The following EPB41L1 variants were observed in gnomAD, a reference collection of about 807,000 sequenced individuals.
EPB41L1 encodes erythrocyte membrane protein band 4.1 like 1.
Under a neutral mutation model 97.8 loss-of-function variants are expected in EPB41L1, and 29 were observed. The ratio of observed to expected loss-of-function variants is 0.30; its 90% CI spans 0.22 to 0.40. The LOEUF (loss-of-function observed/expected upper bound fraction) is 0.40, where lower values mean the gene tolerates loss of function less well. EPB41L1 is among the 10% of genes least tolerant of loss of function. EPB41L1 has a pLI of 1.00. For synonymous variants in EPB41L1, 383 were observed against 459.2 expected, an observed-to-expected ratio of 0.83 and a Z score of 2.12; for missense variants, 812 against 1,162.3, an observed-to-expected ratio of 0.70 and a Z score of 4.38.
At position 36,195,738 on chromosome 20, in the gene EPB41L1, C is replaced by T. The variant is rs2062166345; in HGVS notation, c.1485+374C>T. On this transcript the variant is annotated intron_variant, in intron 13 of 21. Coordinates refer to ENST00000338074, the MANE Select transcript of EPB41L1 (RefSeq NM_012156.2). This position sits in a 1 kb window ranked among gnomAD's most constrained non-coding sequence, Gnocchi z 4.6. ...TTTAGCACATCTCCCCTGACCCACC[C>T]CTTCCCTAGATTCATCTCCTGCCCG... Among the ~76,000 whole-genome samples, 1 of 152,210 alleles carries T rather than the reference C, an allele frequency of 6.6e-6. No individual in the cohort carries two copies. The highest frequency in any genetic ancestry group is 2.4e-5 in the African/African-American group (1 of 41,460).
Position 36,130,787 on chromosome 20 carries a change from T to TTCTC in EPB41L1, c.-10+18333_-10+18336dup, listed in dbSNP as rs35428172. ...CTCTCTCTATTTGATTTTTAAAAAT[T>TTCTC]TCTCTCTCTCTCTCTCTCTCTCTCT... On this transcript the variant is annotated intron_variant, in intron 2 of 19. Transcript: ENST00000202028. 8.9e-3 allele frequency among the ~76,000 whole-genome samples: 1,285 copies of TTCTC among 143,720 alleles called. 8 individuals carry two copies. Among genetic ancestry groups the TTCTC allele is most frequent in the Middle Eastern group, 0.018 (5 of 282 alleles). The allele number at this position is 143,720 out of a possible 152,430, so 94.3% of individuals were successfully genotyped here. A position where few individuals can be genotyped will look rare whatever the true frequency, so the allele number is the denominator to read the frequency against.
At chr20:36,138,969 G>A (rs1192657678) in intron 2 of EPB41L1, among the ~76,000 whole-genome samples, 1 of 152,192 alleles carries the variant, frequency 6.6e-6, no homozygotes, top group African/African-American at 2.4e-5. Flanking sequence ...CTGCCAAGAA[G>A]TTTTGTGAGT....
In EPB41L1 at chr20:36,170,401, C is replaced by G. The variant is rs773561551; in HGVS notation, c.-14-3363C>G. Among the ~76,000 whole-genome samples the G allele has an allele frequency of 3.9e-5, 6 of 152,338 alleles. No individual in the cohort carries two copies. The East Asian group carries it at 1.2e-3, about 29-fold the overall frequency. On this transcript the variant is annotated intron_variant, in intron 1 of 21. Coordinates refer to ENST00000338074, the MANE Select transcript of EPB41L1 (RefSeq NM_012156.2). ...TAATACTTTGCTGAGTTTTCTGTAT[C>G]TGTGCATGTGTATTCATTAACACAG... is the stretch of plus-strand genomic sequence containing the variant.
intron 4 of EPB41L1, 48 bp downstream of exon 4, chr20:36,178,104 C>T: frequency 7.1e-7 from 1 of 1,412,100 alleles, no homozygotes; most frequent in East Asian, 2.3e-5. Flanking sequence ...CGTTAGGCTC[C>T]TGTAATCCTG....
intron 11 of EPB41L1, among the ~76,000 whole-genome samples, chr20:36,191,052 T>G (rs1043002207): frequency 5.9e-5 from 9 of 152,120 alleles, no homozygotes; most frequent in African/African-American, 2.2e-4. Flanking sequence ...AGTCGTGGTC[T>G]TTTGGGGTCC....
At chr20:36,107,665 A>G (rs1017207750) in intron 1 of EPB41L1, among the ~76,000 whole-genome samples, 3 of 135,662 alleles carry the variant, frequency 2.2e-5, no homozygotes, top group Non-Finnish European at 4.7e-5. Flanking sequence ...CCCCGTCTCT[A>G]CTAAAAATAC....
intron 2 of EPB41L1, among the ~76,000 whole-genome samples, chr20:36,115,752 C>T (rs185618241): frequency 1.8e-4 from 27 of 152,128 alleles, no homozygotes; most frequent in Admixed American, 9.2e-4. Context: ...ATTAGCCAGG[C>T]GTGGTGGAGC....
At chr20:36,199,890 A>C (rs528934961) in intron 14 of EPB41L1, among the ~76,000 whole-genome samples, 1 of 152,160 alleles carries the variant, frequency 6.6e-6, no homozygotes, top group Non-Finnish European at 1.5e-5. Flanking sequence ...GGAGTGTCTC[A>C]GTGTAGCCTG....
At chr20:36,125,535 A>G in intron 2 of EPB41L1, 3 of 1,534,806 alleles carry the variant, frequency 2.0e-6, no homozygotes, top group Non-Finnish European at 2.6e-6. Context: ...AAGGTGAGCT[A>G]TTATCTTCCA....
At chr20:36,144,005 A>C (rs970178537) in intron 2 of EPB41L1, among the ~76,000 whole-genome samples, 2 of 151,988 alleles carry the variant, frequency 1.3e-5, no homozygotes, top group Non-Finnish European at 2.9e-5. Flanking sequence ...GGCGCACGCC[A>C]CCATCCCTGG....
intron 1 of EPB41L1, among the ~76,000 whole-genome samples, chr20:36,094,656 G>T (rs2057771621): frequency 1.3e-5 from 2 of 152,234 alleles, no homozygotes; most frequent in South Asian, 4.2e-4. Flanking sequence ...GATAGGATTG[G>T]GGGCCAGCAG....
intron 1 of EPB41L1, among the ~76,000 whole-genome samples, chr20:36,169,301 T>G (rs1380639053): frequency 1.3e-5 from 2 of 151,940 alleles, no homozygotes; most frequent in Admixed American, 1.3e-4. Flanking sequence ...GAGCAAGCAT[T>G]GGCACTAGGC....
chr20:36,171,779 T>C (rs755940297), intron 1 of EPB41L1, among the ~76,000 whole-genome samples: 7 of 152,164 alleles, frequency 4.6e-5, no homozygotes, highest in Non-Finnish European at 1.0e-4. Context: ...GGGTGGATGC[T>C]GTGTCTGTCT....
intron 5 of EPB41L1, 144 bp downstream of exon 5, chr20:36,178,816 C>A (rs933431105): frequency 6.5e-6 from 6 of 924,716 alleles, no homozygotes; most frequent in Non-Finnish European, 8.9e-6. Context: ...CAACACTTTG[C>A]GAGGCTAAGG....
intron 2 of EPB41L1, chr20:36,148,641 T>C (rs1028496615): frequency 6.6e-6 from 1 of 152,258 alleles, no homozygotes; most frequent in Non-Finnish European, 1.5e-5. Flanking sequence ...CCAGATCCTC[T>C]TACTGTGCTC....
chr20:36,117,598 A>G (rs2058625783), intron 2 of EPB41L1, among the ~76,000 whole-genome samples: 1 of 152,214 alleles, frequency 6.6e-6, no homozygotes, highest in Non-Finnish European at 1.5e-5. Context: ...GGGTATAATT[A>G]TCCCCATTTT....
chr20:36,119,621 G>A (rs1470492317), intron 2 of EPB41L1, among the ~76,000 whole-genome samples: 3 of 141,554 alleles, frequency 2.1e-5, no homozygotes, highest in African/African-American at 5.1e-5. Flanking sequence ...AAGCAGGAAG[G>A]AAGGGAAGGG....
At chr20:36,098,107 G>A (rs2057892150) in intron 1 of EPB41L1, among the ~76,000 whole-genome samples, 1 of 152,172 alleles carries the variant, frequency 6.6e-6, no homozygotes. Flanking sequence ...ACCTAGAACA[G>A]GCTGTTCTAG....
At chr20:36,123,437 T>TTTTGTTTG (rs139752573) in intron 2 of EPB41L1, among the ~76,000 whole-genome samples, 2 of 152,114 alleles carry the variant, frequency 1.3e-5, no homozygotes, top group African/African-American at 4.8e-5. Flanking sequence ...GTTCTGGTTT[T>TTTTGTTTG]TTTGTTTGTT....
Sources: gnomAD v4.1 joint callset for allele counts (sites outside exome capture counted in the v4.1 genomes callset) on GRCh38, gnomAD v4.1.1 for gene constraint, Gnocchi (gnomAD v3.1) non-coding constraint, MANE v1.5 for transcripts, NCBI Gene and HGNC (gene_info 2026-07-23, HGNC 2026-07-21) for gene names.